POLR3B: variants seen among roughly 807,000 people sequenced by gnomAD.
POLR3B encodes the protein RNA polymerase III subunit B.
In POLR3B, 96 loss-of-function variants were observed where a neutral mutation model predicts 147.4. The ratio of observed to expected loss-of-function variants is 0.65; its 90% CI spans 0.55 to 0.77. The LOEUF is 0.77. POLR3B is among the 30% of genes least tolerant of loss of function. POLR3B has a pLI of 0.00. For missense variants in POLR3B, 1,036 were observed against 1,413.5 expected (o/e 0.73, Z 4.28); for synonymous variants, 461 against 485.9 (o/e 0.95, Z 0.67).
At chr12:106,385,483 AAAAC>A (rs1306421898) in intron 9 of POLR3B, among the ~76,000 whole-genome samples, 3 of 152,198 alleles carry the variant, frequency 2.0e-5, no homozygotes, top group African/African-American at 7.2e-5. Flanking sequence ...AATTAGAAAA[AAAAC>A]AAAGGAAGAG....
At chr12:106,450,347 A>G (rs1334781716) in intron 19 of POLR3B, among the ~76,000 whole-genome samples, 2 of 152,228 alleles carry the variant, frequency 1.3e-5, no homozygotes, top group East Asian at 3.8e-4. Flanking sequence ...TAAAGAGTAC[A>G]AAGTATAAAA....
chr12:106,416,858 A>T (rs577799577), intron 12 of POLR3B, among the ~76,000 whole-genome samples: 13 of 151,994 alleles, frequency 8.6e-5, no homozygotes, highest in Non-Finnish European at 1.5e-4. Flanking sequence ...ATCTTCTCAA[A>T]CATACCATAA....
intron 22 of POLR3B, among the ~76,000 whole-genome samples, chr12:106,460,600 T>C (rs1229180913): frequency 6.6e-6 from 1 of 152,214 alleles, no homozygotes; most frequent in African/African-American, 2.4e-5. Flanking sequence ...GTCCAGACTC[T>C]ACACTGACTT....
chr12:106,481,415 T>A (rs1489072439), intron 23 of POLR3B, among the ~76,000 whole-genome samples: 1 of 152,234 alleles, frequency 6.6e-6, no homozygotes, highest in Middle Eastern at 3.2e-3. Flanking sequence ...TGACTCAGTC[T>A]TCTTGCTTTC....
chr12:106,378,121 T>C, intron 7 of POLR3B, 146 bp from the exon 8 acceptor site: 2 of 629,372 alleles, frequency 3.2e-6, no homozygotes, highest in East Asian at 2.8e-5. Context: ...AAAAATAAAA[T>C]CAGCAACCCC....
At chr12:106,413,786 A>G (rs2037262502) in intron 12 of POLR3B, among the ~76,000 whole-genome samples, 1 of 150,440 alleles carries the variant, frequency 6.6e-6, no homozygotes, top group Non-Finnish European at 1.5e-5. Context: ...TCTTTTTTCT[A>G]TTATCTTTGT....
intron 12 of POLR3B, among the ~76,000 whole-genome samples, chr12:106,418,713 A>T (rs2037337366): frequency 6.6e-6 from 1 of 152,190 alleles, no homozygotes; most frequent in Non-Finnish European, 1.5e-5. Flanking sequence ...AAGGTATTGA[A>T]TATTATCACC....
At chr12:106,435,959 C>T (rs763621651) in intron 16 of POLR3B, among the ~76,000 whole-genome samples, 2 of 152,160 alleles carry the variant, frequency 1.3e-5, no homozygotes, top group African/African-American at 4.8e-5. Context: ...GATCCCCTCC[C>T]TCTCCTCCGC....
chr12:106,396,482 C>A (rs1325461760), intron 10 of POLR3B, among the ~76,000 whole-genome samples: 1 of 152,154 alleles, frequency 6.6e-6, no homozygotes, highest in Non-Finnish European at 1.5e-5. Context: ...GTACTAATCA[C>A]TGGGAGTCAA....
At chr12:106,430,655 T>G (rs2037498142) in intron 14 of POLR3B, among the ~76,000 whole-genome samples, 182 bp downstream of exon 14, 1 of 152,210 alleles carries the variant, frequency 6.6e-6, no homozygotes, top group South Asian at 2.1e-4. Flanking sequence ...ATTCTAAAAC[T>G]AGGACCTGCA....
intron 23 of POLR3B, among the ~76,000 whole-genome samples, chr12:106,480,002 T>G (rs1324694297): frequency 2.0e-5 from 3 of 149,102 alleles, no homozygotes; most frequent in African/African-American, 4.9e-5. Flanking sequence ...GTTTTTGGGT[T>G]TTTTTTTTGG....
Position 106,496,158 on chromosome 12 carries a change from G to C in POLR3B, c.2817G>C (p.Thr939=). 6.4e-7 allele frequency: 1 copy of C among 1,570,848 alleles called. No homozygotes were observed. Among genetic ancestry groups the C allele is most frequent in the Non-Finnish European group, 8.8e-7 (1 of 1,140,382 alleles). The change falls in exon 24 of 28, where the codon ACG becomes ACC. Residue 939 remains threonine (T), a splice_region_variant and synonymous_variant. Transcript: ENST00000228347. ...CACACGGCTTCCCATCACGAATGAC[G>C]GTCAGTGACCTGTAGGTTTTTCAGA... The part of the protein sequence containing the change: ...MNPHGFPSRM[T]VGKLIELLAG...
chr12:106,509,612 G>A lies in POLR3B; in HGVS notation c.*63G>A. ...CATCCAATGCAACGGAAAGCAGAAG[G>A]GATTTAGGACTACGTCTCCTCCTGT... is the stretch of plus-strand genomic sequence containing the variant. On this transcript the variant is annotated 3_prime_UTR_variant, in exon 28 of 28. Transcript: ENST00000228347. 6.8e-7 allele frequency: 1 copy of A among 1,464,080 alleles called. No individual in the cohort carries two copies. Among genetic ancestry groups the A allele is most frequent in the Non-Finnish European group, 9.5e-7 (1 of 1,051,918 alleles). 90.7% of individuals were successfully genotyped at this position (1,464,080 alleles called of 1,614,324 possible).
intron 23 of POLR3B, among the ~76,000 whole-genome samples, chr12:106,485,043 G>A (rs953874479): frequency 2.0e-5 from 3 of 152,148 alleles, no homozygotes; most frequent in Admixed American, 1.3e-4. Flanking sequence ...TGGATGGTGG[G>A]TGTCTTGGTC....
chr12:106,404,610 T>C (rs1029892004), intron 10 of POLR3B, among the ~76,000 whole-genome samples: 4 of 152,220 alleles, frequency 2.6e-5, no homozygotes, highest in African/African-American at 7.2e-5. Flanking sequence ...GTGAATTGTC[T>C]TTTTATTATT....
intron 23 of POLR3B, among the ~76,000 whole-genome samples, chr12:106,477,756 C>CT (rs1413382626): frequency 4.6e-5 from 7 of 152,064 alleles, no homozygotes; most frequent in Admixed American, 4.6e-4. Context: ...GGCCTGCGCC[C>CT]ACTGTCTGGC....
chr12:106,492,472 A>C (rs2038418978), intron 23 of POLR3B, among the ~76,000 whole-genome samples: 1 of 152,186 alleles, frequency 6.6e-6, no homozygotes, highest in Non-Finnish European at 1.5e-5. Context: ...TGGAAAGATC[A>C]CTTGAGTGAG....
intron 9 of POLR3B, among the ~76,000 whole-genome samples, chr12:106,390,219 GAA>G (rs375447086): frequency 1.7e-5 from 2 of 119,504 alleles, no homozygotes; most frequent in Non-Finnish European, 3.4e-5. Flanking sequence ...CTCTGTCTCT[GAA>G]AAAAAAAAAA....
chr12:106,411,938 A>G (rs7955001), intron 12 of POLR3B, among the ~76,000 whole-genome samples: 4,117 of 152,226 alleles, frequency 0.027, 179 homozygotes, highest in African/African-American at 0.094. Flanking sequence ...CATAGCTTCT[A>G]TTTCTCTACA....
Sources: allele counts gnomAD v4.1 joint callset (sites outside exome capture counted in the v4.1 genomes callset), GRCh38; gene constraint gnomAD v4.1.1; transcripts MANE v1.5; gene names NCBI Gene and HGNC (gene_info 2026-07-23, HGNC 2026-07-21).